BRINP3: variants seen among roughly 807,000 people sequenced by gnomAD.
BRINP3 encodes the protein BMP/retinoic acid inducible neural specific 3, also known as BMP/retinoic acid-inducible neural-specific protein 3.
Under a neutral mutation model 71.0 loss-of-function variants are expected in BRINP3, and 19 were observed. That is an observed-to-expected ratio of 0.27 (90% CI 0.19 to 0.39). The LOEUF (loss-of-function observed/expected upper bound fraction) is 0.39. Ranked by LOEUF, BRINP3 falls within the 10% of genes least tolerant of loss-of-function variation. The pLI, the probability that BRINP3 is intolerant of heterozygous loss-of-function variation, is 1.00. For missense variants in BRINP3, 959 were observed against 940.8 expected (o/e 1.02, Z -0.25); for synonymous variants, 380 against 337.7 (o/e 1.13, Z -1.37).
At chr1:190,359,925 C>CGCACA (rs1669021130) in intron 2 of BRINP3, among the ~76,000 whole-genome samples, 1 of 152,032 alleles carries the variant, frequency 6.6e-6, no homozygotes, top group Non-Finnish European at 1.5e-5. Context: ...TTTTCACCTC[C>CGCACA]TAATATATGT....
intron 4 of BRINP3, among the ~76,000 whole-genome samples, chr1:190,251,216 G>A (rs1477117869): frequency 6.6e-6 from 1 of 151,782 alleles, no homozygotes; most frequent in Non-Finnish European, 1.5e-5. Flanking sequence ...GCTTATTCCT[G>A]AGTCCTATGT....
intron 4 of BRINP3, among the ~76,000 whole-genome samples, chr1:190,240,408 T>C (rs774119492): frequency 8.6e-5 from 13 of 152,016 alleles, no homozygotes; most frequent in Non-Finnish European, 1.5e-4. Flanking sequence ...AATATAGGGG[T>C]ATCAGAAAAA....
chr1:190,121,173 C>G (rs533525062), intron 7 of BRINP3, among the ~76,000 whole-genome samples: 1 of 152,074 alleles, frequency 6.6e-6, no homozygotes, highest in Non-Finnish European at 1.5e-5. Flanking sequence ...AACACAAAAC[C>G]GGCCGGAGCT....
At chr1:190,430,174 G>A (rs1392066169) in intron 2 of BRINP3, among the ~76,000 whole-genome samples, 1 of 152,066 alleles carries the variant, frequency 6.6e-6, no homozygotes, top group Admixed American at 6.6e-5. Flanking sequence ...TTTACCAGAG[G>A]TTAGGTGAAT....
intron 2 of BRINP3, among the ~76,000 whole-genome samples, chr1:190,453,913 A>G (rs1675815938): frequency 6.6e-6 from 1 of 152,224 alleles, no homozygotes; most frequent in Non-Finnish European, 1.5e-5. Context: ...TTGAAGTGAT[A>G]GCTTCACATA....
chr1:190,214,890 T>C (rs1038870607), intron 6 of BRINP3, among the ~76,000 whole-genome samples: 1 of 151,872 alleles, frequency 6.6e-6, no homozygotes, highest in African/African-American at 2.4e-5. Flanking sequence ...ACATTTATTG[T>C]CTAATGTAAT....
intron 2 of BRINP3, among the ~76,000 whole-genome samples, chr1:190,285,770 A>G (rs1332342860): frequency 6.6e-6 from 1 of 151,878 alleles, no homozygotes; most frequent in Non-Finnish European, 1.5e-5. Context: ...CCTCAGTTAC[A>G]ACTAGATCAT....
chr1:190,463,599 A>G (rs944224106), intron 1 of BRINP3, among the ~76,000 whole-genome samples: 1 of 151,848 alleles, frequency 6.6e-6, no homozygotes, highest in Non-Finnish European at 1.5e-5. Flanking sequence ...ATCTTTTTAC[A>G]TGTGTAAAAA....
chr1:190,179,222 G>A (rs775861863), intron 6 of BRINP3, among the ~76,000 whole-genome samples: 7 of 152,020 alleles, frequency 4.6e-5, no homozygotes, highest in Non-Finnish European at 1.0e-4. Context: ...GTGGCTTTCT[G>A]GAGAAATCTC....
At chr1:190,437,894 C>T (rs768586426) in intron 2 of BRINP3, among the ~76,000 whole-genome samples, 13 of 151,462 alleles carry the variant, frequency 8.6e-5, no homozygotes, top group Non-Finnish European at 1.5e-4. Flanking sequence ...CAAAAGATAA[C>T]GTTCTACGGG....
intron 2 of BRINP3, among the ~76,000 whole-genome samples, chr1:190,308,452 T>C (rs910868553): frequency 3.8e-4 from 57 of 148,818 alleles, no homozygotes; most frequent in African/African-American, 1.2e-3. Context: ...TGAGAACACA[T>C]GGACACAGGA....
intron 4 of BRINP3, among the ~76,000 whole-genome samples, chr1:190,260,561 G>T (rs577111240): frequency 2.5e-3 from 381 of 151,916 alleles, no homozygotes; most frequent in African/African-American, 8.0e-3. Context: ...TATATATAGA[G>T]AGAGAGAGGT....
intron 6 of BRINP3, among the ~76,000 whole-genome samples, chr1:190,212,881 G>T (rs1656106055): frequency 6.6e-6 from 1 of 152,048 alleles, no homozygotes; most frequent in Non-Finnish European, 1.5e-5. Flanking sequence ...AGCTAGAAAT[G>T]ACATTTGATT....
chr1:190,387,725 A>G (rs1437150404), intron 2 of BRINP3, among the ~76,000 whole-genome samples: 1 of 151,796 alleles, frequency 6.6e-6, no homozygotes, highest in Non-Finnish European at 1.5e-5. Context: ...AGCAATGCTC[A>G]GTCTTAACCT....
chr1:190,098,832 T>C lies in BRINP3; in HGVS notation c.1487A>G (p.Glu496Gly), dbSNP rs1158348159. ...IGFETDLQDL[E>G]MKYLLQKTDR... is the part of the protein sequence containing the mutation. ...CGTTTTCTGCAGCAGATATTTCATC[T>C]CGAGATCTTGCAGGTCAGTTTCAAA... The change falls in exon 8 of 8, where the codon GAG becomes GGG. Residue 496 changes from glutamate to glycine, a missense_variant. Glu to Gly is a moderately conservative substitution (Grantham distance 98, BLOSUM62 -2). Coordinates refer to ENST00000367462, the MANE Select transcript of BRINP3 (RefSeq NM_199051.3). 2 of 1,614,098 alleles carry C rather than the reference T, an allele frequency of 1.2e-6. No individual in the cohort carries two copies. Among genetic ancestry groups the C allele is most frequent in the East Asian group, 4.5e-5 (2 of 44,882 alleles).
chr1:190,108,240 C>G (rs1429351390), intron 7 of BRINP3, among the ~76,000 whole-genome samples: 1 of 151,974 alleles, frequency 6.6e-6, no homozygotes, highest in African/African-American at 2.4e-5. Flanking sequence ...ATTCTGAACT[C>G]AGAATCATAA....
intron 2 of BRINP3, among the ~76,000 whole-genome samples, chr1:190,347,494 C>T (rs888918469): frequency 3.9e-5 from 6 of 152,076 alleles, no homozygotes; most frequent in South Asian, 2.1e-4. Context: ...ATTTTATATC[C>T]GAGGAGGATT....
chr1:190,275,661 T>C (rs1486592940), intron 3 of BRINP3, among the ~76,000 whole-genome samples: 1 of 151,656 alleles, frequency 6.6e-6, no homozygotes, highest in Admixed American at 6.6e-5. Context: ...AGACAAGTAA[T>C]TTATCTACCT....
rs963127335 is a variant in BRINP3 at position 190,448,390 on chromosome 1, C to T, written c.236+6265G>A. Among the ~76,000 whole-genome samples, 4 of 151,128 alleles carry T rather than the reference C, an allele frequency of 2.6e-5. No homozygotes were observed. In the East Asian group the frequency reaches 7.7e-4, roughly 29 times the overall value. On this transcript the variant is annotated intron_variant, in intron 2 of 7. Coordinates refer to ENST00000367462, the MANE Select transcript of BRINP3 (RefSeq NM_199051.3). ...TGTTACATATTTAGTGCACAAAATT[C>T]CATATATCAGTACAATTGCACTAAA...
Sources: allele counts gnomAD v4.1 joint callset (sites outside exome capture counted in the v4.1 genomes callset), GRCh38; gene constraint gnomAD v4.1.1; transcripts MANE v1.5; gene names NCBI Gene and HGNC (gene_info 2026-07-23, HGNC 2026-07-21).